LRRC37A2: variants seen among roughly 807,000 people sequenced by gnomAD.
LRRC37A2 encodes leucine-rich repeat-containing protein 37A2.
Under a neutral mutation model 68.8 loss-of-function variants are expected in LRRC37A2, and 9 were observed. That is an observed-to-expected ratio of 0.13 (90% CI 0.08 to 0.23). The LOEUF is 0.23. Ranked by LOEUF, LRRC37A2 falls within the 10% of genes least tolerant of loss-of-function variation. The pLI, the probability that LRRC37A2 is intolerant of heterozygous loss-of-function variation, is 1.00. For missense variants in LRRC37A2, 168 were observed against 950.4 expected (o/e 0.18, Z 10.82); for synonymous variants, 63 against 367.6 (o/e 0.17, Z 9.48).
At chr17:46,993,381 G>A in the LRRC37A2 span, among the ~76,000 whole-genome samples, 1 of 152,222 alleles carries the variant, frequency 6.6e-6, no homozygotes, top group Admixed American at 6.5e-5. Context: ...GTTAAAAAGG[G>A]ATCAGTCTGC....
chr17:46,711,384 C>T, the LRRC37A2 span, among the ~76,000 whole-genome samples: 1 of 152,102 alleles, frequency 6.6e-6, no homozygotes, highest in Non-Finnish European at 1.5e-5. Context: ...CTGAATGATG[C>T]CACTTAGCCT....
chr17:46,810,243 G>T, the LRRC37A2 span, among the ~76,000 whole-genome samples: 2 of 151,972 alleles, frequency 1.3e-5, no homozygotes, highest in African/African-American at 2.4e-5. Context: ...CCTGACCTCA[G>T]GTGATCCACC....
the LRRC37A2 span, among the ~76,000 whole-genome samples, chr17:46,779,875 C>T: frequency 1.3e-5 from 2 of 152,122 alleles, no homozygotes; most frequent in Admixed American, 1.3e-4. Context: ...TCTCCTGCCT[C>T]GGCCTCTCAA....
the LRRC37A2 span, among the ~76,000 whole-genome samples, chr17:46,775,682 C>T: frequency 2.7e-5 from 4 of 145,570 alleles, no homozygotes; most frequent in East Asian, 2.0e-4. Context: ...GACGTGATCT[C>T]GGCTCACTGC....
At chr17:46,980,113 C>G in the LRRC37A2 span, among the ~76,000 whole-genome samples, 1 of 127,498 alleles carries the variant, frequency 7.8e-6, no homozygotes, top group Admixed American at 8.1e-5. Flanking sequence ...CCGCCCCCAA[C>G]CTCCCCACCC....
the LRRC37A2 span, among the ~76,000 whole-genome samples, chr17:46,784,775 TTC>T: frequency 1.1e-4 from 10 of 90,516 alleles, no homozygotes; most frequent in East Asian, 9.2e-4. Flanking sequence ...CTTTTTGCTT[TTC>T]TTTTTTTTTT....
chr17:46,980,935 G>A, the LRRC37A2 span, among the ~76,000 whole-genome samples: 1 of 152,196 alleles, frequency 6.6e-6, no homozygotes, highest in Non-Finnish European at 1.5e-5. Context: ...ATCATGCCCT[G>A]TGGGGAAAGG....
At chr17:46,783,232 A>G in the LRRC37A2 span, among the ~76,000 whole-genome samples, 1 of 152,138 alleles carries the variant, frequency 6.6e-6, no homozygotes, top group African/African-American at 2.4e-5. Flanking sequence ...ACCATGAAGG[A>G]GCAGCTGCCC....
chr17:46,978,720 C>T, the LRRC37A2 span: 20 of 1,612,294 alleles, frequency 1.2e-5, no homozygotes, highest in Non-Finnish European at 1.5e-5. Flanking sequence ...TGATCATGCT[C>T]TCGGACTTGA....
At chr17:46,971,855 T>C in the LRRC37A2 span, among the ~76,000 whole-genome samples, 2 of 152,210 alleles carry the variant, frequency 1.3e-5, no homozygotes. Context: ...TTTTCTTCTG[T>C]GTTCTGGGCC....
chr17:46,998,083 C>A, the LRRC37A2 span, among the ~76,000 whole-genome samples: 1 of 152,008 alleles, frequency 6.6e-6, no homozygotes, highest in African/African-American at 2.4e-5. Flanking sequence ...TTATTTGGAT[C>A]TTGATTTAAT....
At chr17:47,040,096 A>G in the LRRC37A2 span, among the ~76,000 whole-genome samples, 20 of 151,784 alleles carry the variant, frequency 1.3e-4, no homozygotes, top group African/African-American at 4.6e-4. Context: ...TCTAGTCTAC[A>G]GAACTGAATC....
the LRRC37A2 span, chr17:46,762,932 C>T: frequency 1.3e-5 from 2 of 152,192 alleles, no homozygotes; most frequent in East Asian, 3.8e-4. Flanking sequence ...AGTATTCTCA[C>T]ATAAAGCAAG....
the LRRC37A2 span, among the ~76,000 whole-genome samples, chr17:46,748,601 G>GAATC: frequency 1.3e-5 from 2 of 152,192 alleles, no homozygotes; most frequent in Non-Finnish European, 2.9e-5. Flanking sequence ...GGGATACAGG[G>GAATC]AATCTAACAG....
At chr17:46,998,431 C>T in the LRRC37A2 span, among the ~76,000 whole-genome samples, 94 of 152,302 alleles carry the variant, frequency 6.2e-4, no homozygotes, top group African/African-American at 2.0e-3. Flanking sequence ...TGTCTTGTCA[C>T]GTGCAGCCAT....
the LRRC37A2 span, among the ~76,000 whole-genome samples, chr17:46,776,475 A>G: frequency 6.6e-6 from 1 of 152,152 alleles, no homozygotes; most frequent in African/African-American, 2.4e-5. Context: ...TAAAAACTTC[A>G]TTATCATCGC....
chr17:47,030,063 AAATAATAAT>A, the LRRC37A2 span, among the ~76,000 whole-genome samples: 266 of 75,334 alleles, frequency 3.5e-3, 8 homozygotes, highest in Middle Eastern at 5.7e-3. Context: ...ACTCTGTCTC[AAATAATAAT>A]AATAATAATA....
chr17:46,994,373 G>T, the LRRC37A2 span, among the ~76,000 whole-genome samples: 1 of 142,996 alleles, frequency 7.0e-6, no homozygotes, highest in Non-Finnish European at 1.5e-5. Context: ...CAACTACAGT[G>T]AAACTCCATC....
At chr17:46,999,995 T>C in the LRRC37A2 span, among the ~76,000 whole-genome samples, 1 of 72,356 alleles carries the variant, frequency 1.4e-5, no homozygotes, top group African/African-American at 4.8e-5. Context: ...GAAGACTCCA[T>C]CTCAAAATAA....
Sources: allele counts gnomAD v4.1 joint callset (sites outside exome capture counted in the v4.1 genomes callset), GRCh38; gene constraint gnomAD v4.1.1; transcripts MANE v1.5; gene names NCBI Gene and HGNC (gene_info 2026-07-23, HGNC 2026-07-21).